The following ACAN variants were observed in gnomAD, a reference collection of about 807,000 sequenced individuals.
ACAN encodes aggrecan, also known as aggrecan core protein.
ACAN carries 47 observed loss-of-function variants against 169.1 expected under a neutral mutation model. The observed-to-expected ratio is 0.28, with a 90% CI of 0.22 to 0.35. The LOEUF is 0.35. Among genes scored for constraint, ACAN ranks in the 10% least tolerant of loss-of-function variants. The pLI is 1.00. For synonymous variants in ACAN, 1,115 were observed against 1,112.2 expected, an observed-to-expected ratio of 1.00 and a Z score of -0.05; for missense variants, 2,716 against 2,759.9, an observed-to-expected ratio of 0.98 and a Z score of 0.36.
In ACAN at chr15:88,868,485, C is replaced by T. The variant is rs1441899622; in HGVS notation, c.7060+156C>T. On this transcript the variant is annotated intron_variant, in intron 14 of 18. Coordinates refer to ENST00000560601, the MANE Select transcript of ACAN (RefSeq NM_001369268.1). This position sits in a 1 kb window ranked among gnomAD's most constrained non-coding sequence, Gnocchi z 5.2. ...GGGGCCACAACTGAAAATTCTGCCC[C>T]ACTGATTCCCACTCTTTTTCTTGCT... Among the ~76,000 whole-genome samples, 1 of 152,184 alleles carries T rather than the reference C, an allele frequency of 6.6e-6. No individual in the cohort carries two copies. The highest frequency in any genetic ancestry group is 6.5e-5 in the Admixed American group (1 of 15,278).
rs1897071091 is a variant in ACAN at position 88,857,142 on chromosome 15, T to C, written c.4557T>C (p.Ala1519=). ...CAGGAGAAGGTCTAGAGACCTCTGC[T>C]TCTGGAGTAGAGGACCTCAGCAGGC... ...LPSGEGLETS[A]SGVEDLSRLP... is the part of the protein sequence containing the mutation. Residue 1519 remains alanine (A), a synonymous_variant, in exon 12 of 19, where the codon GCT becomes GCC. Transcript: ENST00000560601. 2.5e-6 allele frequency: 4 copies of C among 1,606,648 alleles called. No individual in the cohort carries two copies. The South Asian group carries it at 3.3e-5, about 13-fold the overall frequency.
intron 6 of ACAN, among the ~76,000 whole-genome samples, chr15:88,845,034 T>C (rs1460027278): frequency 2.0e-5 from 3 of 152,236 alleles, no homozygotes; most frequent in Admixed American, 6.5e-5. Flanking sequence ...CATTTTTCCA[T>C]GACTATGAGA....
At chr15:88,837,886 C>CTA (rs575197300) in intron 2 of ACAN, among the ~76,000 whole-genome samples, 2,989 of 112,880 alleles carry the variant, frequency 0.026, 130 homozygotes, top group African/African-American at 0.091. Flanking sequence ...ATGAAAGGTG[C>CTA]TTTTTTTTTT....
chr15:88,815,423 G>A (rs189705138), intron 1 of ACAN, among the ~76,000 whole-genome samples: 1 of 152,004 alleles, frequency 6.6e-6, no homozygotes, highest in East Asian at 1.9e-4. Flanking sequence ...ACTGGGTGAG[G>A]CAGCAGGCAC....
rs368319248 is a variant in ACAN, at chr15:88,874,754, G to A, written c.*273G>A. 1.4e-5 allele frequency: 7 copies of A among 505,794 alleles called. No homozygotes were observed. Among genetic ancestry groups the A allele is most frequent in the Middle Eastern group, 5.7e-4 (1 of 1,752 alleles). The allele number at this position is 505,794 out of a possible 1,614,324, so 31.3% of individuals were successfully genotyped here. A position where few individuals can be genotyped will look rare whatever the true frequency, so the allele number is the denominator to read the frequency against. ...AGAGACATTTCTTCAATTTCCCATC[G>A]TGCCTTTCCAGGGACCAGTGCAGGG... On this transcript the variant is annotated 3_prime_UTR_variant, in exon 19 of 19. Coordinates refer to ENST00000560601, the MANE Select transcript of ACAN (RefSeq NM_001369268.1). This position sits in a 1 kb window ranked among gnomAD's most constrained non-coding sequence, Gnocchi z 7.3.
intron 1 of ACAN, among the ~76,000 whole-genome samples, chr15:88,834,130 G>A (rs972405396): frequency 2.2e-4 from 33 of 152,136 alleles, no homozygotes; most frequent in African/African-American, 7.7e-4. Context: ...TCTTTAAAAG[G>A]CAGCATCTAG....
chr15:88,848,184 A>G (rs947144073), intron 9 of ACAN, 146 bp downstream of exon 9: 5 of 1,211,482 alleles, frequency 4.1e-6, no homozygotes, highest in African/African-American at 3.0e-5. Context: ...GTCCTGCTGA[A>G]AAAGGAAGGC....
chr15:88,841,995 T>G, intron 5 of ACAN, 128 bp downstream of exon 5: 1 of 1,293,130 alleles, frequency 7.7e-7, no homozygotes, highest in Non-Finnish European at 1.1e-6. Context: ...TCTGTCCTCC[T>G]CTGCCATGAA....
At position 88,838,412 on chromosome 15, in the gene ACAN, T is replaced by G. The variant is rs187029594; in HGVS notation, c.71-251T>G. The stretch of plus-strand genomic sequence containing the variant: ...TCTCCCCTCCCTCCTCTGGAATCCT[T>G]TTCTAGCTCCATAGTTTCTGTCTCG... On this transcript the variant is annotated intron_variant, in intron 2 of 18. Transcript: ENST00000560601. The surrounding 1 kb of genome is among the most constrained non-coding windows in gnomAD (Gnocchi z 5.1). Among the ~76,000 whole-genome samples, 2 of 152,242 alleles carry G rather than the reference T, an allele frequency of 1.3e-5. No individual in the cohort carries two copies. Among genetic ancestry groups the G allele is most frequent in the Admixed American group, 6.5e-5 (1 of 15,300 alleles).
chr15:88,849,508 C>T lies in ACAN; in HGVS notation c.1803C>T (p.His601=), dbSNP rs1741940713. The T allele has an allele frequency of 6.2e-7, 1 of 1,607,572 alleles. No homozygotes were observed. Among genetic ancestry groups the T allele is most frequent in the Non-Finnish European group, 8.5e-7 (1 of 1,176,636 alleles). ...AAGCACTGGAGTTCTGTGAATCTCA[C>T]AATGCTACGCTGGCCACCACGGGCC... ...FQEALEFCES[H]NATLATTGQL... is the part of the protein sequence containing the mutation. The change falls in exon 10 of 19, where the codon CAC becomes CAT. Residue 601 remains histidine, a synonymous_variant. Transcript: ENST00000560601. This position sits in a 1 kb window ranked among gnomAD's most constrained non-coding sequence, Gnocchi z 5.1.
chr15:88,813,560 A>G (rs1895871892), intron 1 of ACAN, among the ~76,000 whole-genome samples: 1 of 152,176 alleles, frequency 6.6e-6, no homozygotes, highest in Non-Finnish European at 1.5e-5. Flanking sequence ...TGATGACTCA[A>G]ACATCGTCAG....
chr15:88,854,737 C>T lies in ACAN; in HGVS notation c.2267-115C>T, dbSNP rs1897008223. On this transcript the variant is annotated intron_variant, in intron 11 of 18. Coordinates refer to ENST00000560601, the MANE Select transcript of ACAN (RefSeq NM_001369268.1). ...GAAAGCATTTGGACACGTTGCTGAG[C>T]TCTTGAGAGAAAAATTTTACTGTGG... is the stretch of plus-strand genomic sequence containing the variant. 4.1e-6 allele frequency: 5 copies of T among 1,206,062 alleles called. No individual in the cohort carries two copies. In the South Asian group the frequency reaches 9.1e-5, roughly 22 times the overall value. 74.7% of individuals were successfully genotyped at this position (1,206,062 alleles called of 1,614,324 possible).
chr15:88,859,269 C>T lies in ACAN; in HGVS notation c.6684C>T (p.Arg2228=), dbSNP rs1190322127. The change falls in exon 12 of 19, where the codon CGC becomes CGT. Residue 2228 remains arginine, a synonymous_variant. Transcript: ENST00000560601. ...PESEWTQQTQ[R]PAETHLEIES... is the part of the protein sequence containing the mutation. ...CTGAGTGGACCCAGCAGACCCAGCG[C>T]CCTGCAGAGACGCATCTAGAAATTG... is the stretch of plus-strand genomic sequence containing the variant. 1.9e-6 allele frequency: 3 copies of T among 1,613,776 alleles called. No individual in the cohort carries two copies. The highest frequency in any genetic ancestry group is 1.7e-5 in the Admixed American group (1 of 59,994).
At position 88,874,036 on chromosome 15, in the gene ACAN, C is replaced by G; in HGVS notation, c.7630+12C>G. On this transcript the variant is annotated intron_variant, in intron 18 of 18. Transcript: ENST00000560601. This position sits in a 1 kb window ranked among gnomAD's most constrained non-coding sequence, Gnocchi z 7.3. ...CACCTGCACAGACCGTGAGCATCAC[C>G]CCGGCCATCTCGCTGAGCACAGGGT... is the stretch of plus-strand genomic sequence containing the variant. The G allele has an allele frequency of 1.2e-6, 2 of 1,608,196 alleles. No homozygotes were observed. Among genetic ancestry groups the G allele is most frequent in the Non-Finnish European group, 1.7e-6 (2 of 1,179,668 alleles).
Position 88,873,749 on chromosome 15 carries a change from G to A in ACAN, c.7448-93G>A. On this transcript the variant is annotated intron_variant, in intron 17 of 18. Coordinates refer to ENST00000560601, the MANE Select transcript of ACAN (RefSeq NM_001369268.1). This position sits in a 1 kb window ranked among gnomAD's most constrained non-coding sequence, Gnocchi z 7.5. ...TCCAGGGCTCACTGTCAGATGTTGA[G>A]GCTGTGTCCCCCACAGTGCCTCGGG... 7.4e-7 allele frequency: 1 copy of A among 1,351,588 alleles called. No individual in the cohort carries two copies. Among genetic ancestry groups the A allele is most frequent in the Non-Finnish European group, 1.0e-6 (1 of 979,760 alleles). 83.7% of individuals were successfully genotyped at this position (1,351,588 alleles called of 1,614,324 possible).
At chr15:88,809,472 C>A (rs1350495854) in intron 1 of ACAN, among the ~76,000 whole-genome samples, 1 of 152,218 alleles carries the variant, frequency 6.6e-6, no homozygotes, top group East Asian at 1.9e-4. Flanking sequence ...TGCCTTGAAG[C>A]CGATGCAGGC....
In ACAN at chr15:88,839,057, C is replaced by T. The variant is rs1896582991; in HGVS notation, c.454+11C>T. The T allele has an allele frequency of 2.5e-6, 4 of 1,599,474 alleles. No homozygotes were observed. Among genetic ancestry groups the T allele is most frequent in the East Asian group, 2.2e-5 (1 of 44,880 alleles). On this transcript the variant is annotated intron_variant, in intron 3 of 18. Transcript: ENST00000560601. The surrounding 1 kb of genome is among the most constrained non-coding windows in gnomAD (Gnocchi z 4.5). ...AAGTCGTGGTGAAAGGTGAGAGCCT[C>T]CCACAGGGACAGACGCTGCTTCACC...
At position 88,843,047 on chromosome 15, in the gene ACAN, G is replaced by A. The variant is rs1041575224; in HGVS notation, c.758-308G>A. 1.3e-5 allele frequency among the ~76,000 whole-genome samples: 2 copies of A among 152,174 alleles called. No individual in the cohort carries two copies. Among genetic ancestry groups the A allele is most frequent in the South Asian group, 2.1e-4 (1 of 4,828 alleles). ...GATCCCCCTGTGGTGGAATGCAAAT[G>A]GGGCAAAGAGGCTTTTGAGCAGAAT... On this transcript the variant is annotated intron_variant, in intron 5 of 18. Transcript: ENST00000560601. This position sits in a 1 kb window ranked among gnomAD's most constrained non-coding sequence, Gnocchi z 4.0.
intron 1 of ACAN, among the ~76,000 whole-genome samples, chr15:88,812,554 T>C (rs1307442440): frequency 6.6e-6 from 1 of 152,116 alleles, no homozygotes; most frequent in African/African-American, 2.4e-5. Context: ...GCCCCTGGCC[T>C]CTCACTTCCT....
Sources: gnomAD v4.1 joint callset for allele counts (sites outside exome capture counted in the v4.1 genomes callset) on GRCh38, gnomAD v4.1.1 for gene constraint, Gnocchi (gnomAD v3.1) non-coding constraint, MANE v1.5 for transcripts, NCBI Gene and HGNC (gene_info 2026-07-23, HGNC 2026-07-21) for gene names.